The following ZFHX3 variants were observed in gnomAD, a reference collection of about 807,000 sequenced individuals.
ZFHX3 encodes zinc finger homeobox protein 3.
ZFHX3 carries 42 observed loss-of-function variants against 279.1 expected under a neutral mutation model. The observed-to-expected ratio is 0.15, with a 90% CI of 0.12 to 0.19. The LOEUF (loss-of-function observed/expected upper bound fraction) is 0.19, where lower values mean the gene tolerates loss of function less well. ZFHX3 is among the 10% of genes least tolerant of loss of function. The pLI is 1.00. For missense variants in ZFHX3, 4,981 were observed against 4,754.0 expected, an observed-to-expected ratio of 1.05 and a Z score of -1.40; for synonymous variants, 2,293 against 1,957.8, an observed-to-expected ratio of 1.17 and a Z score of -4.52.
intron 2 of ZFHX3, among the ~76,000 whole-genome samples, chr16:73,540,499 G>T (rs1031595092): frequency 4.6e-5 from 7 of 152,260 alleles, no homozygotes; most frequent in Non-Finnish European, 1.0e-4. Flanking sequence ...CCATTGTCCA[G>T]CCTTAACAGA....
At chr16:73,071,472 CTG>C (rs1965826302) in intron 8 of ZFHX3, among the ~76,000 whole-genome samples, 5 of 150,740 alleles carry the variant, frequency 3.3e-5, no homozygotes, top group Admixed American at 3.3e-4. Context: ...GCTGCTGCTG[CTG>C]CTGCCGCCGC....
At chr16:73,785,065 G>A (rs1228392344) in intron 1 of ZFHX3, among the ~76,000 whole-genome samples, 2 of 152,100 alleles carry the variant, frequency 1.3e-5, no homozygotes, top group South Asian at 2.1e-4. Context: ...TGGAAAACGA[G>A]GATTCAAATC....
At chr16:73,020,200 G>A (rs1346672522) in intron 1 of ZFHX3, among the ~76,000 whole-genome samples, 2 of 152,126 alleles carry the variant, frequency 1.3e-5, no homozygotes, top group East Asian at 3.9e-4. Context: ...GGCACCGGGA[G>A]GCCTGATTTT....
intron 1 of ZFHX3, among the ~76,000 whole-genome samples, chr16:73,861,774 T>C (rs1162103849): frequency 7.2e-5 from 11 of 152,290 alleles, no homozygotes; most frequent in East Asian, 3.9e-4. Context: ...GAAATAGAAT[T>C]AATCCTAATG....
At chr16:73,846,348 C>T (rs888963211) in intron 1 of ZFHX3, among the ~76,000 whole-genome samples, 3 of 152,096 alleles carry the variant, frequency 2.0e-5, no homozygotes, top group Non-Finnish European at 2.9e-5. Flanking sequence ...CCTAAGTTTT[C>T]GAGGGAAAAC....
chr16:72,790,317 T>A (rs2035645950), intron 9 of ZFHX3: 1 of 152,114 alleles, frequency 6.6e-6, no homozygotes, highest in Admixed American at 6.6e-5. Context: ...ATTCACCATA[T>A]CCAAGAAACT....
intron 3 of ZFHX3, among the ~76,000 whole-genome samples, chr16:73,332,286 C>T (rs148232397): frequency 6.6e-6 from 1 of 152,244 alleles, no homozygotes; most frequent in African/African-American, 2.4e-5. Flanking sequence ...ATTTATATAA[C>T]GAAGCTCTAT....
At chr16:73,143,805 T>C in exon 6 of ZFHX3, 2 of 1,304,644 alleles carry the variant, frequency 1.5e-6, no homozygotes, top group Non-Finnish European at 2.0e-6. Context: ...GCTAGACTTC[T>C]GGGGGTTGTA....
intron 4 of ZFHX3, among the ~76,000 whole-genome samples, chr16:73,268,606 T>C (rs2014051141): frequency 6.6e-6 from 1 of 152,240 alleles, no homozygotes; most frequent in Non-Finnish European, 1.5e-5. Flanking sequence ...AAATGCCTTG[T>C]GCTCTGTGCT....
At chr16:73,115,659 C>T (rs894701461) in intron 7 of ZFHX3, among the ~76,000 whole-genome samples, 1 of 152,146 alleles carries the variant, frequency 6.6e-6, no homozygotes, top group Non-Finnish European at 1.5e-5. Flanking sequence ...CAAGGGCAGG[C>T]GTAGGGCTAG....
chr16:73,328,393 T>A (rs186076643), intron 3 of ZFHX3, among the ~76,000 whole-genome samples: 1 of 152,342 alleles, frequency 6.6e-6, no homozygotes, highest in African/African-American at 2.4e-5. Flanking sequence ...CCAGATTGCA[T>A]TCCACAAGAC....
chr16:73,254,255 C>G (rs2013598890), intron 5 of ZFHX3, among the ~76,000 whole-genome samples: 1 of 152,198 alleles, frequency 6.6e-6, no homozygotes. Context: ...ATCCTTCCCA[C>G]TATCCTTTCA....
intron 1 of ZFHX3, among the ~76,000 whole-genome samples, 182 bp downstream of exon 1, chr16:73,047,570 T>A (rs1965343961): frequency 6.6e-6 from 1 of 152,118 alleles, no homozygotes; most frequent in African/African-American, 2.4e-5. Flanking sequence ...CTTTACTGTG[T>A]GCCCAGCAGA....
intron 1 of ZFHX3, among the ~76,000 whole-genome samples, chr16:73,724,677 A>T (rs1247041991): frequency 6.6e-6 from 1 of 152,214 alleles, no homozygotes; most frequent in Non-Finnish European, 1.5e-5. Context: ...AGCTAGCCCC[A>T]AATTCCTCTG....
intron 2 of ZFHX3, among the ~76,000 whole-genome samples, chr16:73,597,621 G>A (rs2052065048): frequency 6.6e-6 from 1 of 152,160 alleles, no homozygotes; most frequent in African/African-American, 2.4e-5. Context: ...GGAAGATGGA[G>A]GCTGAGACTG....
intron 2 of ZFHX3, among the ~76,000 whole-genome samples, chr16:73,581,999 C>T (rs766813673): frequency 6.6e-6 from 1 of 151,776 alleles, no homozygotes; most frequent in South Asian, 2.1e-4. Flanking sequence ...TATTCAAAAT[C>T]GTGAACTGGG....
intron 5 of ZFHX3, among the ~76,000 whole-genome samples, chr16:73,152,941 G>A (rs1966980800): frequency 6.6e-6 from 1 of 152,112 alleles, no homozygotes; most frequent in Non-Finnish European, 1.5e-5. Flanking sequence ...ACCACAGGCT[G>A]AGCCGGGTCA....
chr16:73,676,329 AG>A (rs1329109915), intron 2 of ZFHX3, among the ~76,000 whole-genome samples: 3 of 152,052 alleles, frequency 2.0e-5, no homozygotes, highest in Non-Finnish European at 4.4e-5. Context: ...GGCTGGAGAG[AG>A]CAATGGAATG....
intron 1 of ZFHX3, among the ~76,000 whole-genome samples, chr16:73,735,517 C>T (rs905739445): frequency 1.7e-4 from 26 of 151,810 alleles, no homozygotes; most frequent in African/African-American, 5.1e-4. Context: ...AATAAAACAA[C>T]TTTTAATAAA....
Sources: allele counts gnomAD v4.1 joint callset (sites outside exome capture counted in the v4.1 genomes callset), GRCh38; gene constraint gnomAD v4.1.1; transcripts MANE v1.5; gene names NCBI Gene and HGNC (gene_info 2026-07-23, HGNC 2026-07-21).